ZNF318: variants seen among roughly 807,000 people sequenced by gnomAD.
ZNF318 encodes endocrine regulator.
In ZNF318, 51 loss-of-function variants were observed where a neutral mutation model predicts 124.2. The observed-to-expected ratio is 0.41, with a 90% CI of 0.33 to 0.52. The LOEUF is 0.52. Among genes scored for constraint, ZNF318 ranks in the 20% least tolerant of loss-of-function variants. The pLI is 0.23. For missense variants in ZNF318, 2,815 were observed against 2,811.2 expected (o/e 1.00, Z -0.03); for synonymous variants, 1,090 against 1,040.7 (o/e 1.05, Z -0.91).
rs1270691507 is a variant in ZNF318 at position 43,348,396 on chromosome 6, C to T, written c.3000G>A (p.Glu1000=). 2 of 1,614,034 alleles carry T rather than the reference C, an allele frequency of 1.2e-6. No individual in the cohort carries two copies. The highest frequency in any genetic ancestry group is 4.5e-5 in the East Asian group (2 of 44,900). The change falls in exon 6 of 10, where the codon GAG becomes GAA. Residue 1000 remains glutamate (E), a synonymous_variant. Transcript: ENST00000361428. The part of the protein sequence containing the change: ...KSLSDSREPT[E]KPGKAEKSKS... ...TAGATTTTTCTGCTTTCCCAGGCTT[C>T]TCTGTAGGCTCTCTACTGTCACTTA...
Position 43,339,574 on chromosome 6 carries a change from G to A in ZNF318, c.4424C>T (p.Pro1475Leu). ...SAAQANAILA[P>L]VKSNPVVSQT... ...AGATACAACTGGGTTTGATTTTACT[G>A]GAGCCAAGATAGCATTTGCTTGAGC... The change falls in exon 10 of 10, where the codon CCA becomes CTA. Residue 1475 changes from proline to leucine, a missense_variant. By Grantham distance (98) the Pro-to-Leu change is moderately conservative. This residue lies in a region of ZNF318 where 500 missense variants were observed against 605.2 expected (regional missense o/e 0.83). Transcript: ENST00000361428. The surrounding 1 kb of genome is among the most constrained non-coding windows in gnomAD (Gnocchi z 4.2). 1.9e-6 allele frequency: 3 copies of A among 1,613,570 alleles called. No individual in the cohort carries two copies. Among genetic ancestry groups the A allele is most frequent in the Non-Finnish European group, 2.5e-6 (3 of 1,179,924 alleles).
At chr6:43,349,006 C>G (rs1204559602) in intron 5 of ZNF318, among the ~76,000 whole-genome samples, 2 of 152,144 alleles carry the variant, frequency 1.3e-5, no homozygotes, top group Non-Finnish European at 2.9e-5. Flanking sequence ...TGCACTCAAG[C>G]CTGGGTGATA....
chr6:43,362,385 G>A (rs1035421136), intron 2 of ZNF318, among the ~76,000 whole-genome samples: 8 of 151,688 alleles, frequency 5.3e-5, no homozygotes, highest in Middle Eastern at 3.4e-3. Flanking sequence ...CCTGGGAGGC[G>A]GAGGTTGCAG....
intron 6 of ZNF318, among the ~76,000 whole-genome samples, chr6:43,343,981 A>G (rs1364055599): frequency 6.6e-6 from 1 of 152,138 alleles, no homozygotes; most frequent in Non-Finnish European, 1.5e-5. Context: ...AGGAAATGAG[A>G]ATTTTGGTTA....
In ZNF318 at chr6:43,369,233, G is replaced by A. The variant is rs368300752; in HGVS notation, c.133C>T (p.Pro45Ser). The change falls in exon 1 of 10, where the codon CCC (proline) becomes TCC (serine). Residue 45 changes from proline (P) to serine (S), a missense_variant. Pro to Ser is a moderately conservative substitution (Grantham distance 74). Coordinates refer to ENST00000361428, the MANE Select transcript of ZNF318 (RefSeq NM_014345.3). ...PARRSSPPPP[P>S]SGSSSRTPAR... is the part of the protein sequence containing the mutation. ...GGGGTCCGCGACGAGGAGCCGGAGG[G>A]CGGAGGCGGCGGTGAGCTGCGGCGA... is the stretch of plus-strand genomic sequence containing the variant. 2.4e-6 allele frequency: 3 copies of A among 1,231,136 alleles called. No individual in the cohort carries two copies. The highest frequency in any genetic ancestry group is 6.9e-5 in the East Asian group (2 of 29,012). The allele number at this position is 1,231,136 out of a possible 1,614,324, so 76.3% of individuals were successfully genotyped here.
chr6:43,358,623 G>A (rs992772580), intron 2 of ZNF318, among the ~76,000 whole-genome samples: 2 of 151,910 alleles, frequency 1.3e-5, no homozygotes, highest in African/African-American at 4.8e-5. Context: ...GCATGATCTC[G>A]GCTGACTGCA....
At chr6:43,340,935 A>T in intron 8 of ZNF318, 27 bp from the exon 9 acceptor site, 1 of 1,532,254 alleles carries the variant, frequency 6.5e-7, no homozygotes, top group Middle Eastern at 1.7e-4. Flanking sequence ...AAAGTCAAGG[A>T]AATAAGTCGA....
In ZNF318 at chr6:43,365,354, T is replaced by G; in HGVS notation, c.486A>C (p.Pro162=). 1.9e-6 allele frequency: 3 copies of G among 1,614,234 alleles called. No homozygotes were observed. The highest frequency in any genetic ancestry group is 2.5e-6 in the Non-Finnish European group (3 of 1,180,034). The change falls in exon 2 of 10, where the codon CCA becomes CCC. Residue 162 remains proline (P), a synonymous_variant. Coordinates refer to ENST00000361428, the MANE Select transcript of ZNF318 (RefSeq NM_014345.3). ...VGNDHFCVST[P]ERRRLSDRLG... is the part of the protein sequence containing the mutation. ...GCCGATCACTAAGCCGTCGCCGTTC[T>G]GGTGTGCTAACACAGAAGTGGTCAT...
chr6:43,348,336 G>C lies in ZNF318; in HGVS notation c.3060C>G (p.Ser1020=). 6.2e-7 allele frequency: 1 copy of C among 1,606,254 alleles called. No homozygotes were observed. Among genetic ancestry groups the C allele is most frequent in the Non-Finnish European group, 8.5e-7 (1 of 1,176,734 alleles). ...ATTGAGTTGTTACCTTGTTGGAGGAGGAGTTTGAGAACGATGACACTTTTT... is the reference window on the plus strand; with the variant it reads ...ATTGAGTTGTTACCTTGTTGGAGGACGAGTTTGAGAACGATGACACTTTTT... ...SPEKVSSFSN[S]SSNKESKVNN... Residue 1020 remains serine, a synonymous_variant, in exon 6 of 10, where the codon TCC becomes TCG. Coordinates refer to ENST00000361428, the MANE Select transcript of ZNF318 (RefSeq NM_014345.3).
Position 43,338,139 on chromosome 6 carries a change from G to T in ZNF318, c.5859C>A (p.Ile1953=). The stretch of plus-strand genomic sequence containing the variant: ...TTTCATCCCAAACAGCCAACTCATA[G>T]ATCTTTTTAACTTGAAAGTCTTTTG... ...ERSKDFQVKK[I]YELAVWDENK... Residue 1953 remains isoleucine, a synonymous_variant, in exon 10 of 10, where the codon ATC becomes ATA. Coordinates refer to ENST00000361428, the MANE Select transcript of ZNF318 (RefSeq NM_014345.3). 1 of 1,613,808 alleles carries T rather than the reference G, an allele frequency of 6.2e-7. No homozygotes were observed. Among genetic ancestry groups the T allele is most frequent in the Non-Finnish European group, 8.5e-7 (1 of 1,179,946 alleles).
At position 43,341,975 on chromosome 6, in the gene ZNF318, C is replaced by T. The variant is rs1220026988; in HGVS notation, c.3376+137G>A. ...TCAGGACCTAGTACACTGTTTTGTA[C>T]ACAGAAGGCATTCCTACGGCTTTGT... On this transcript the variant is annotated intron_variant, in intron 8 of 9. Transcript: ENST00000361428. 5.4e-6 allele frequency: 4 copies of T among 745,084 alleles called. No homozygotes were observed. In the Admixed American group the frequency reaches 8.5e-5, roughly 16 times the overall value. 46.2% of individuals were successfully genotyped at this position (745,084 alleles called of 1,614,324 possible).
In ZNF318 at chr6:43,338,428, G is replaced by A. The variant is rs748153674; in HGVS notation, c.5570C>T (p.Pro1857Leu). ...TPSKVVIKLS[P>L]QACSFTKAKL... ...TGCCTTTGTGAAAGAGCAAGCCTGT[G>A]GACTCAATTTGATCACTACTTTACT... Residue 1857 changes from proline (P) to leucine (L), a missense_variant, in exon 10 of 10, where the codon CCA becomes CTA. Physicochemically the swap from Pro to Leu is moderately conservative, Grantham distance 98. This residue lies in a region of ZNF318 where 927 missense variants were observed against 820.6 expected (regional missense o/e 1.13). Transcript: ENST00000361428. 1 of 1,614,154 alleles carries A rather than the reference G, an allele frequency of 6.2e-7. No homozygotes were observed. Among genetic ancestry groups the A allele is most frequent in the South Asian group, 1.1e-5 (1 of 91,080 alleles).
intron 4 of ZNF318, among the ~76,000 whole-genome samples, chr6:43,353,289 A>C (rs763318017): frequency 8.5e-5 from 13 of 152,176 alleles, no homozygotes; most frequent in Non-Finnish European, 1.6e-4. Context: ...GAAACTTAAG[A>C]GAAGTGTTTT....
intron 2 of ZNF318, among the ~76,000 whole-genome samples, chr6:43,365,036 CTCT>C (rs1258684997): frequency 1.3e-5 from 2 of 152,208 alleles, no homozygotes; most frequent in East Asian, 3.8e-4. Flanking sequence ...TCCCCTCAGC[CTCT>C]TCTTTCTAGT....
chr6:43,360,376 A>G (rs1264677546), intron 2 of ZNF318, among the ~76,000 whole-genome samples: 2 of 152,202 alleles, frequency 1.3e-5, no homozygotes, highest in Non-Finnish European at 2.9e-5. Flanking sequence ...ATGAGAAGAG[A>G]ACTGGCTGTA....
In ZNF318 at chr6:43,368,982, G is replaced by C. The variant is rs562455841; in HGVS notation, c.384C>G (p.Gly128=). 254 of 1,431,718 alleles carry C rather than the reference G, an allele frequency of 1.8e-4. 9 individuals carry two copies. In the South Asian group the frequency reaches 3.4e-3, roughly 19 times the overall value. 88.7% of individuals were successfully genotyped at this position (1,431,718 alleles called of 1,614,324 possible). Residue 128 remains glycine, a synonymous_variant, in exon 1 of 10, where the codon GGC becomes GGG. Coordinates refer to ENST00000361428, the MANE Select transcript of ZNF318 (RefSeq NM_014345.3). ...YARDGRGDHP[G]DSGSRRRSPG... is the part of the protein sequence containing the mutation. Reference sequence around the variant, plus strand: ...GTGGGATTACCCGGCTGCCGCTGTCGCCTGGATGGTCTCCGCGGCCGTCCC... The same window carrying C: ...GTGGGATTACCCGGCTGCCGCTGTCCCCTGGATGGTCTCCGCGGCCGTCCC...
In ZNF318 at chr6:43,339,510, CA is replaced by C; in HGVS notation, c.4487del (p.Leu1496Ter). On this transcript the variant is annotated frameshift_variant, in exon 10 of 10. Transcript: ENST00000361428. LOFTEE classifies it low-confidence loss of function (END_TRUNC). The surrounding 1 kb of genome is among the most constrained non-coding windows in gnomAD (Gnocchi z 4.2). ...TGATGGCTACAGGCAACACTGGGTT[CA>C]AAATGTTAGGACCCACGAAGCCAGG... Reference protein sequence around the residue: ...LSPGFVGPNILNPVLPVAIMA... With the variant: ...LSPGFVGPNIXNPVLPVAIMA... The C allele has an allele frequency of 6.2e-7, 1 of 1,614,096 alleles. No individual in the cohort carries two copies. The highest frequency in any genetic ancestry group is 1.7e-5 in the Admixed American group (1 of 60,002).
Position 43,338,691 on chromosome 6 carries a change from A to C in ZNF318, c.5307T>G (p.Asp1769Glu), listed in dbSNP as rs761309558. ...KESQELRKSE[D>E]CRESEIETNT... ...TTGTCTCTATCTCACTTTCTCTACAATCCTCAGATTTACGGAGCTCTTGGC... is the reference window on the plus strand; with the variant it reads ...TTGTCTCTATCTCACTTTCTCTACACTCCTCAGATTTACGGAGCTCTTGGC... The change falls in exon 10 of 10, where the codon GAT becomes GAG. Residue 1769 changes from aspartate to glutamate, a missense_variant. Asp to Glu is a conservative substitution (Grantham distance 45, BLOSUM62 2). Around this residue, in one of 4 missense-constraint regions of ZNF318, gnomAD observed 927 missense variants for 820.6 expected, o/e 1.13. Coordinates refer to ENST00000361428, the MANE Select transcript of ZNF318 (RefSeq NM_014345.3). 5 of 1,613,982 alleles carry C rather than the reference A, an allele frequency of 3.1e-6. No homozygotes were observed. The East Asian group carries it at 1.1e-4, about 36-fold the overall frequency.
chr6:43,357,585 A>G lies in ZNF318; in HGVS notation c.729T>C (p.His243=), dbSNP rs1779626968. 1 of 1,614,142 alleles carries G rather than the reference A, an allele frequency of 6.2e-7. No homozygotes were observed. The highest frequency in any genetic ancestry group is 8.5e-7 in the Non-Finnish European group (1 of 1,180,034). Residue 243 remains histidine, a synonymous_variant, in exon 3 of 10, where the codon CAT becomes CAC. Coordinates refer to ENST00000361428, the MANE Select transcript of ZNF318 (RefSeq NM_014345.3). ...RSDYSPHISC[H]DELLRGTERN... ...GTTCTGTTCCCCGCAACAGCTCATCATGACAACTGATATGGGGACTATAAT... is the reference window on the plus strand; with the variant it reads ...GTTCTGTTCCCCGCAACAGCTCATCGTGACAACTGATATGGGGACTATAAT...
Sources: allele counts gnomAD v4.1 joint callset (sites outside exome capture counted in the v4.1 genomes callset), GRCh38; gene constraint gnomAD v4.1.1; regional missense constraint gnomAD v4.1.1; non-coding constraint Gnocchi (gnomAD v3.1); transcripts MANE v1.5; gene names NCBI Gene and HGNC (gene_info 2026-07-23, HGNC 2026-07-21).